IL2RB: variants seen among roughly 807,000 people sequenced by gnomAD.
IL2RB encodes interleukin 2 receptor subunit beta.
Under a neutral mutation model 44.2 loss-of-function variants are expected in IL2RB, and 17 were observed. The ratio of observed to expected loss-of-function variants is 0.38; its 90% confidence interval spans 0.26 to 0.58. IL2RB has a LOEUF of 0.58. IL2RB is among the 20% of genes least tolerant of loss of function. The probability of loss-of-function intolerance (pLI) is 0.63; values close to 1 mark genes in which losing one functional copy is unlikely to be tolerated. For missense variants in IL2RB, 624 were observed against 685.5 expected, an observed-to-expected ratio of 0.91 and a Z score of 1.00; for synonymous variants, 286 against 297.9, an observed-to-expected ratio of 0.96 and a Z score of 0.41.
chr22:37,166,622 G>A lies in IL2RB; in HGVS notation c.-34+8336C>T, dbSNP rs559517860. ...TACCTCGGGACTTTGCATGCAAAAG[G>A]CGCTCAATCATCCCTTCAAGAATAA... On this transcript the variant is annotated intron_variant, in intron 1 of 5. Coordinates refer to the IL2RB transcript ENST00000429622. The A allele has an allele frequency of 2.0e-5, 3 of 152,368 alleles. No individual in the cohort carries two copies. In the East Asian group the frequency reaches 5.8e-4, roughly 29 times the overall value. 9.4% of individuals were successfully genotyped at this position (152,368 alleles called of 1,614,324 possible). A position where few individuals can be genotyped will look rare whatever the true frequency, so the allele number is the denominator to read the frequency against.
chr22:37,143,884 C>CCTGTGTGTGTGTGT (rs1236054029), intron 2 of IL2RB, among the ~76,000 whole-genome samples: 8 of 139,814 alleles, frequency 5.7e-5, no homozygotes, highest in African/African-American at 2.3e-4. Context: ...CTTGGAGAGG[C>CCTGTGTGTGTGTGT]GTGTGTGTGT....
chr22:37,170,516 G>A lies in IL2RB; in HGVS notation c.-34+4442C>T, dbSNP rs1923245251. ...GGGAAGCAGCGCCACCCAGGGGCTGGGGTAATGACAGGCGTGGCCTCTTGG... is the reference window on the plus strand; with the variant it reads ...GGGAAGCAGCGCCACCCAGGGGCTGAGGTAATGACAGGCGTGGCCTCTTGG... On this transcript the variant is annotated intron_variant, in intron 1 of 5. Coordinates refer to the IL2RB transcript ENST00000429622. Among the ~76,000 whole-genome samples, 3 of 152,182 alleles carry A rather than the reference G, an allele frequency of 2.0e-5. No homozygotes were observed. In the South Asian group the frequency reaches 6.2e-4, roughly 31 times the overall value.
At chr22:37,166,019 A>G (rs1923065490) in intron 1 of IL2RB, among the ~76,000 whole-genome samples, 1 of 151,926 alleles carries the variant, frequency 6.6e-6, no homozygotes. Flanking sequence ...TCTTTCCAGA[A>G]CTCCTGTGAA....
chr22:37,159,276 T>A (rs1446170694), intron 1 of IL2RB, among the ~76,000 whole-genome samples: 2 of 151,974 alleles, frequency 1.3e-5, no homozygotes, highest in Admixed American at 6.5e-5. Context: ...TCGGAAAAAA[T>A]TAAAATGTCC....
intron 9 of IL2RB, among the ~76,000 whole-genome samples, chr22:37,131,581 T>A (rs1035475760): frequency 2.0e-5 from 3 of 152,124 alleles, no homozygotes; most frequent in Non-Finnish European, 2.9e-5. Flanking sequence ...CGGGAAGACT[T>A]GTTAGTATCC....
In IL2RB at chr22:37,163,831, G is replaced by A. The variant is rs148935849; in HGVS notation, c.-34+11127C>T. Among the ~76,000 whole-genome samples the A allele has an allele frequency of 6.4e-3, 971 of 152,358 alleles. 12 individuals are homozygous for A. The highest frequency in any genetic ancestry group is 0.022 in the African/African-American group (920 of 41,586). ...AGCAAACCTGAAAGCAGCAGGGGAC[G>A]AAGGGCCCCAGGCTTGTCACCCTCT... On this transcript the variant is annotated intron_variant, in intron 1 of 5. Coordinates refer to the IL2RB transcript ENST00000429622.
At chr22:37,131,967 CT>C (rs887721559) in intron 9 of IL2RB, among the ~76,000 whole-genome samples, 40 of 152,280 alleles carry the variant, frequency 2.6e-4, no homozygotes, top group African/African-American at 9.1e-4. Context: ...AACTCCTGAC[CT>C]CGTGATCTAC....
chr22:37,146,168 CTTG>C (rs1042093752), intron 1 of IL2RB, among the ~76,000 whole-genome samples: 2 of 152,250 alleles, frequency 1.3e-5, no homozygotes, highest in African/African-American at 2.4e-5. Flanking sequence ...CCAGTGACTA[CTTG>C]TTGTCTCTTC....
chr22:37,132,528 C>A, intron 8 of IL2RB, 60 bp from the exon 9 acceptor site: 2 of 1,250,048 alleles, frequency 1.6e-6, no homozygotes, highest in South Asian at 1.2e-5. Context: ...CGGTGTTATG[C>A]CATCGGCACC....
intron 8 of IL2RB, among the ~76,000 whole-genome samples, chr22:37,134,337 G>A (rs1921583058): frequency 6.6e-6 from 1 of 152,114 alleles, no homozygotes; most frequent in South Asian, 2.1e-4. Flanking sequence ...GGGCGTGGGG[G>A]CTCACACCTG....
intron 9 of IL2RB, among the ~76,000 whole-genome samples, chr22:37,129,837 T>C (rs1921335045): frequency 6.6e-6 from 1 of 152,158 alleles, no homozygotes; most frequent in African/African-American, 2.4e-5. Context: ...CAACCCTCTG[T>C]CCTGGGAACC....
In IL2RB at chr22:37,128,192, C is replaced by T. The variant is rs1309082242; in HGVS notation, c.1560G>A (p.Gly520=). Residue 520 remains glycine, a synonymous_variant, in exon 10 of 10, where the codon GGG becomes GGA. Transcript: ENST00000216223. This position sits in a 1 kb window ranked among gnomAD's most constrained non-coding sequence, Gnocchi z 4.5. ...SFPWSRPPGQ[G]EFRALNARLP... is the part of the protein sequence containing the mutation. The stretch of plus-strand genomic sequence containing the variant: ...GGCGAGCATTAAGGGCCCTGAACTC[C>T]CCCTGCCCAGGAGGCCTGGACCAGG... 1 of 1,535,360 alleles carries T rather than the reference C, an allele frequency of 6.5e-7. No individual in the cohort carries two copies. The highest frequency in any genetic ancestry group is 1.4e-5 in the African/African-American group (1 of 72,000).
At chr22:37,158,968 A>C (rs531786681) in intron 1 of IL2RB, among the ~76,000 whole-genome samples, 1 of 152,366 alleles carries the variant, frequency 6.6e-6, no homozygotes, top group South Asian at 2.1e-4. Flanking sequence ...GCGGACTCCT[A>C]ACCCAGGTCT....
At chr22:37,129,758 G>A (rs1921328939) in intron 9 of IL2RB, among the ~76,000 whole-genome samples, 1 of 152,252 alleles carries the variant, frequency 6.6e-6, no homozygotes, top group Non-Finnish European at 1.5e-5. Context: ...CTGCACAGCA[G>A]AGTGGGGGAC....
At chr22:37,170,420 G>A (rs1302466255) in intron 1 of IL2RB, among the ~76,000 whole-genome samples, 6 of 77,094 alleles carry the variant, frequency 7.8e-5, no homozygotes, top group Non-Finnish European at 1.7e-4. Flanking sequence ...GACAAGCTAG[G>A]CCAGCAGCGG....
At position 37,128,966 on chromosome 22, in the gene IL2RB, G is replaced by C. The variant is rs1169869446; in HGVS notation, c.904-118C>G. On this transcript the variant is annotated intron_variant, in intron 9 of 9. Coordinates refer to ENST00000216223, the MANE Select transcript of IL2RB (RefSeq NM_000878.5). This position sits in a 1 kb window ranked among gnomAD's most constrained non-coding sequence, Gnocchi z 4.5. ...CTCCTGAAGCAGTTGGCCCAGGGCT[G>C]CCCCATCCAGGAAGCTCTCCCTGAT... is the stretch of plus-strand genomic sequence containing the variant. The C allele has an allele frequency of 1.6e-6, 2 of 1,219,310 alleles. No individual in the cohort carries two copies. The highest frequency in any genetic ancestry group is 2.2e-6 in the Non-Finnish European group (2 of 899,340). The allele number at this position is 1,219,310 out of a possible 1,614,324, so 75.5% of individuals were successfully genotyped here. A position where few individuals can be genotyped will look rare whatever the true frequency, so the allele number is the denominator to read the frequency against.
chr22:37,130,284 C>T (rs747657314), intron 9 of IL2RB, among the ~76,000 whole-genome samples: 1 of 152,230 alleles, frequency 6.6e-6, no homozygotes, highest in Non-Finnish European at 1.5e-5. Context: ...AGAGAGGGAG[C>T]GGCCAGGCCT....
intron 5 of IL2RB, among the ~76,000 whole-genome samples, chr22:37,138,608 C>A (rs955132741): frequency 6.6e-6 from 1 of 152,230 alleles, no homozygotes; most frequent in Non-Finnish European, 1.5e-5. Flanking sequence ...AGAGACTCTG[C>A]CTTCAGGGTG....
At chr22:37,164,000 G>T (rs1922973932) in intron 1 of IL2RB, among the ~76,000 whole-genome samples, 1 of 152,244 alleles carries the variant, frequency 6.6e-6, no homozygotes, top group South Asian at 2.1e-4. Flanking sequence ...ATGCACGAAG[G>T]TGCTTTGCTG....
Sources: allele counts gnomAD v4.1 joint callset (sites outside exome capture counted in the v4.1 genomes callset), GRCh38; gene constraint gnomAD v4.1.1; non-coding constraint Gnocchi (gnomAD v3.1); transcripts MANE v1.5; gene names NCBI Gene and HGNC (gene_info 2026-07-23, HGNC 2026-07-21).